PAPPA2: variants seen among roughly 807,000 people sequenced by gnomAD.
The protein encoded by PAPPA2 is pappalysin-2.
In PAPPA2, 86 loss-of-function variants were observed where a neutral mutation model predicts 176.4. The ratio of observed to expected loss-of-function variants is 0.49; its 90% CI spans 0.41 to 0.58. The LOEUF (loss-of-function observed/expected upper bound fraction) is 0.58. Among genes scored for constraint, PAPPA2 ranks in the 20% least tolerant of loss-of-function variants. PAPPA2 has a pLI of 0.00. For missense variants in PAPPA2, 2,073 were observed against 2,256.9 expected, an observed-to-expected ratio of 0.92 and a Z score of 1.65; for synonymous variants, 809 against 852.2, an observed-to-expected ratio of 0.95 and a Z score of 0.88.
chr1:176,500,970 T>C (rs763729482), intron 1 of PAPPA2, among the ~76,000 whole-genome samples: 1 of 151,880 alleles, frequency 6.6e-6, no homozygotes, highest in Non-Finnish European at 1.5e-5. Context: ...TAGCATTAAC[T>C]GCGTACTGTC....
At chr1:176,506,042 C>G (rs1263806284) in intron 1 of PAPPA2, among the ~76,000 whole-genome samples, 1 of 151,994 alleles carries the variant, frequency 6.6e-6, no homozygotes, top group Non-Finnish European at 1.5e-5. Flanking sequence ...AGATAAGCAC[C>G]CAATTTCATT....
At chr1:176,582,484 C>T (rs976378547) in intron 2 of PAPPA2, among the ~76,000 whole-genome samples, 1 of 152,102 alleles carries the variant, frequency 6.6e-6, no homozygotes, top group Non-Finnish European at 1.5e-5. Context: ...TACTTTCTTT[C>T]TACCTGATTT....
At chr1:176,467,947 G>A (rs1651702929) in intron 1 of PAPPA2, among the ~76,000 whole-genome samples, 1 of 152,192 alleles carries the variant, frequency 6.6e-6, no homozygotes, top group Non-Finnish European at 1.5e-5. Flanking sequence ...AATAGCATTT[G>A]TGTGCAGAAA....
chr1:176,671,142 T>C (rs1293393900), intron 4 of PAPPA2, 27 bp downstream of exon 4: 1 of 1,605,060 alleles, frequency 6.2e-7, no homozygotes, highest in Non-Finnish European at 8.5e-7. Context: ...CCAAACATAG[T>C]AGGAAAAAAA....
chr1:176,595,951 C>A (rs1290301139), intron 3 of PAPPA2, among the ~76,000 whole-genome samples: 4 of 152,220 alleles, frequency 2.6e-5, no homozygotes, highest in Non-Finnish European at 5.9e-5. Flanking sequence ...ACAAACAAGG[C>A]ATCCAGGCCT....
At chr1:176,772,713 C>G (rs2102915215) in intron 17 of PAPPA2, among the ~76,000 whole-genome samples, 1 of 152,226 alleles carries the variant, frequency 6.6e-6, no homozygotes, top group African/African-American at 2.4e-5. Context: ...TTTTTGACAA[C>G]CAAGAGCACA....
intron 1 of PAPPA2, among the ~76,000 whole-genome samples, chr1:176,505,779 A>AGAGTATT (rs1228388947): frequency 2.0e-5 from 3 of 152,058 alleles, no homozygotes; most frequent in Non-Finnish European, 4.4e-5. Context: ...TTATCAAGAT[A>AGAGTATT]GAGTATTGGA....
At chr1:176,626,175 A>G (rs1656000642) in intron 3 of PAPPA2, among the ~76,000 whole-genome samples, 1 of 152,242 alleles carries the variant, frequency 6.6e-6, no homozygotes. Context: ...GCCTGTGTAT[A>G]CATTTCTGTC....
chr1:176,762,661 A>G (rs1210221995), intron 14 of PAPPA2, among the ~76,000 whole-genome samples: 1 of 152,224 alleles, frequency 6.6e-6, no homozygotes, highest in Non-Finnish European at 1.5e-5. Context: ...CTTTAGAATC[A>G]CTAATGAAGC....
Position 176,471,948 on chromosome 1 carries a change from A to C in PAPPA2, c.-917+8530A>C, listed in dbSNP as rs537826239. Among the ~76,000 whole-genome samples, 120 of 152,312 alleles carry C rather than the reference A, an allele frequency of 7.9e-4. No individual in the cohort carries two copies. The Middle Eastern group carries it at 0.017, about 22-fold the overall frequency. ...GGAGGCTTGGTGAAACTCAGAGTCT[A>C]TCTCTTTGGCAAGGATATGGGTGGC... is the stretch of plus-strand genomic sequence containing the variant. On this transcript the variant is annotated intron_variant, in intron 1 of 22. Transcript: ENST00000367662.
Position 176,555,000 on chromosome 1 carries a change from TGAGAGA to T in PAPPA2, c.-916-389_-916-384del, listed in dbSNP as rs59521055. Among the ~76,000 whole-genome samples the T allele has an allele frequency of 4.0e-4, 58 of 145,526 alleles. 1 individual carries two copies. Among genetic ancestry groups the T allele is most frequent in the South Asian group, 8.8e-4 (4 of 4,546 alleles). Reference sequence around the variant, plus strand: ...GTGTGTGTGTGTGTGTGTGTGTGTGTGAGAGAGAGAGAGAGAGAGAGAGGGAGAATA... The same window carrying T: ...GTGTGTGTGTGTGTGTGTGTGTGTGTGAGAGAGAGAGAGAGAGGGAGAATA... On this transcript the variant is annotated intron_variant, in intron 1 of 22. Coordinates refer to ENST00000367662, the MANE Select transcript of PAPPA2 (RefSeq NM_020318.3).
chr1:176,797,191 T>C (rs1317676463), intron 20 of PAPPA2, among the ~76,000 whole-genome samples: 1 of 152,210 alleles, frequency 6.6e-6, no homozygotes, highest in Non-Finnish European at 1.5e-5. Flanking sequence ...GAAGGAAGTA[T>C]AATTATATTG....
chr1:176,804,937 A>C (rs887582579), intron 21 of PAPPA2, among the ~76,000 whole-genome samples: 1 of 152,180 alleles, frequency 6.6e-6, no homozygotes, highest in African/African-American at 2.4e-5. Flanking sequence ...AGAGAAAGAA[A>C]GGAAGAGAGG....
chr1:176,472,633 G>A (rs1036742877), intron 1 of PAPPA2, among the ~76,000 whole-genome samples: 6 of 152,058 alleles, frequency 3.9e-5, no homozygotes, highest in African/African-American at 1.4e-4. Context: ...GGTCTTTTCA[G>A]TGGGCAGAGC....
chr1:176,730,150 C>T (rs947343439), intron 12 of PAPPA2, among the ~76,000 whole-genome samples: 3 of 151,394 alleles, frequency 2.0e-5, no homozygotes, highest in Non-Finnish European at 3.0e-5. Context: ...ATTGCTTGTA[C>T]AATTTTCTTT....
chr1:176,565,719 G>A (rs34493260), intron 2 of PAPPA2, among the ~76,000 whole-genome samples: 145 of 152,302 alleles, frequency 9.5e-4, no homozygotes, highest in Non-Finnish European at 1.7e-3. Flanking sequence ...GGGCTTCTGC[G>A]ACATCACTGG....
At chr1:176,765,035 G>A (rs1033365723) in intron 14 of PAPPA2, among the ~76,000 whole-genome samples, 10 of 152,214 alleles carry the variant, frequency 6.6e-5, no homozygotes, top group African/African-American at 2.4e-4. Context: ...GATTCAAGAG[G>A]TGTGAATTTC....
intron 3 of PAPPA2, among the ~76,000 whole-genome samples, chr1:176,651,867 A>G (rs1657745683): frequency 6.6e-6 from 1 of 151,198 alleles, no homozygotes; most frequent in South Asian, 2.1e-4. Context: ...TGTATTTTCA[A>G]GTAATCTGTC....
chr1:176,773,239 A>G (rs1255928227), intron 17 of PAPPA2, among the ~76,000 whole-genome samples: 1 of 152,204 alleles, frequency 6.6e-6, no homozygotes, highest in African/African-American at 2.4e-5. Context: ...CTTAGTTTAC[A>G]TCTGTTTACA....
Sources: gnomAD v4.1 joint callset for allele counts (sites outside exome capture counted in the v4.1 genomes callset) on GRCh38, gnomAD v4.1.1 for gene constraint, MANE v1.5 for transcripts, NCBI Gene and HGNC (gene_info 2026-07-23, HGNC 2026-07-21) for gene names.